TRPM4: variants seen among roughly 807,000 people sequenced by gnomAD.
The protein encoded by TRPM4 is transient receptor potential cation channel subfamily M member 4.
TRPM4 carries 124 observed loss-of-function variants against 135.6 expected under a neutral mutation model. That is an observed-to-expected ratio of 0.91 (90% confidence interval 0.79 to 1.06). The LOEUF is 1.06. Ranked by LOEUF, TRPM4 falls within the 50% of genes least tolerant of loss-of-function variation. The pLI, the probability that TRPM4 is intolerant of heterozygous loss-of-function variation, is 0.00. For synonymous variants in TRPM4, 745 were observed against 705.6 expected (o/e 1.06, Z -0.88); for missense variants, 1,658 against 1,671.4 (o/e 0.99, Z 0.14).
rs71919979 is a variant in TRPM4 at position 49,180,428 on chromosome 19, CTGTGTGTGTGTGTGTGTGTGTG to C, written c.1151-893_1151-872del. 5.9e-3 allele frequency among the ~76,000 whole-genome samples: 771 copies of C among 131,330 alleles called. 10 individuals are homozygous for C. The highest frequency in any genetic ancestry group is 0.021 in the African/African-American group (736 of 34,800). The allele number at this position is 131,330 out of a possible 152,430, so 86.2% of individuals were successfully genotyped here. On this transcript the variant is annotated intron_variant, in intron 9 of 24. Transcript: ENST00000252826. ...AGTGACTCACGTTTGTCATCATCTG[CTGTGTGTGTGTGTGTGTGTGTG>C]TGTGTGTGTGTGTGTGTGTGTGTGT...
chr19:49,194,589 T>G (rs534721607), intron 16 of TRPM4, among the ~76,000 whole-genome samples: 1 of 151,064 alleles, frequency 6.6e-6, no homozygotes, highest in African/African-American at 2.4e-5. Context: ...TTTCCTTCCT[T>G]CCTTTCCTTT....
intron 20 of TRPM4, among the ~76,000 whole-genome samples, chr19:49,207,557 G>A (rs1368110569): frequency 1.3e-5 from 2 of 149,586 alleles, no homozygotes; most frequent in Non-Finnish European, 3.0e-5. Context: ...TTGAGCCCAG[G>A]AGGTCAAGGC....
intron 17 of TRPM4, among the ~76,000 whole-genome samples, chr19:49,197,368 CTCTTTCTTT>C (rs1968726637): frequency 9.5e-6 from 1 of 105,380 alleles, no homozygotes; most frequent in Non-Finnish European, 1.9e-5. Flanking sequence ...TTCTTTCTCT[CTCTTTCTTT>C]TCTTTCTTTC....
At position 49,157,815 on chromosome 19, in the gene TRPM4, G is replaced by T; in HGVS notation, c.-52G>T. 6.5e-7 allele frequency: 1 copy of T among 1,533,524 alleles called. No individual in the cohort carries two copies. The highest frequency in any genetic ancestry group is 8.7e-7 in the Non-Finnish European group (1 of 1,145,816). The allele number at this position is 1,533,524 out of a possible 1,614,324, so 95.0% of individuals were successfully genotyped here. Reference sequence around the variant, plus strand: ...GGGCGGGTCTGGAAGCAGAGCCGGCGGAGGGAGCGCCGGGGCCCTGGGCTG... The same window carrying T: ...GGGCGGGTCTGGAAGCAGAGCCGGCTGAGGGAGCGCCGGGGCCCTGGGCTG... On this transcript the variant is annotated 5_prime_UTR_variant, in exon 1 of 25. Coordinates refer to ENST00000252826, the MANE Select transcript of TRPM4 (RefSeq NM_017636.4).
chr19:49,174,385 T>G (rs1395511804), intron 9 of TRPM4, among the ~76,000 whole-genome samples: 1 of 151,560 alleles, frequency 6.6e-6, no homozygotes, highest in Non-Finnish European at 1.5e-5. Context: ...ACTCCTGACC[T>G]CATGATCCAT....
At position 49,200,615 on chromosome 19, in the gene TRPM4, A is replaced by G; in HGVS notation, c.2783A>G (p.Lys928Arg). The G allele has an allele frequency of 5.0e-6, 8 of 1,612,968 alleles. No homozygotes were observed. The highest frequency in any genetic ancestry group is 6.8e-6 in the Non-Finnish European group (8 of 1,180,010). Residue 928 changes from lysine to arginine, a missense_variant, in exon 19 of 25, where the codon AAG becomes AGG. Physicochemically the swap from Lys to Arg is conservative, Grantham distance 26 (BLOSUM62 2). Coordinates refer to ENST00000252826, the MANE Select transcript of TRPM4 (RefSeq NM_017636.4). ...CTCAGCCACATCTCCCCACAGATGA[A>G]GGACGTGTTCTTCTTCCTCTTCTTC... The part of the protein sequence containing the change: ...PKIVIVSKMM[K>R]DVFFFLFFLG...
At chr19:49,209,031 A>G (rs1481582081) in intron 20 of TRPM4, among the ~76,000 whole-genome samples, 1 of 151,838 alleles carries the variant, frequency 6.6e-6, no homozygotes, top group Non-Finnish European at 1.5e-5. Flanking sequence ...TGAGAAGATC[A>G]TATGGCTTCC....
At chr19:49,178,772 T>TATTATTATTGTTTTG in intron 9 of TRPM4, among the ~76,000 whole-genome samples, 1 of 150,102 alleles carries the variant, frequency 6.7e-6, no homozygotes, top group Non-Finnish European at 1.5e-5. Context: ...TTTTTTATTT[T>TATTATTATTGTTTTG]TTTTGAGATG....
chr19:49,202,202 C>T, intron 20 of TRPM4, 61 bp downstream of exon 20: 1 of 1,558,294 alleles, frequency 6.4e-7, no homozygotes, highest in Middle Eastern at 1.7e-4. Context: ...CCTCTCATGA[C>T]TCTTGAACCC....
intron 17 of TRPM4, among the ~76,000 whole-genome samples, chr19:49,197,336 CTTTCT>C (rs1175572267): frequency 1.7e-5 from 2 of 120,632 alleles, no homozygotes; most frequent in East Asian, 4.6e-4. Context: ...TTCTTTCTTT[CTTTCT>C]TTCTTTCTTT....
rs570504675 is a variant in TRPM4, at chr19:49,169,446, G to A, written c.796+710G>A. On this transcript the variant is annotated intron_variant, in intron 6 of 24. Transcript: ENST00000252826. ...ATTACAGGCACGTGCCATCACACCC[G>A]GCTAATTTTTGTATTTTTAGTAGAC... Among the ~76,000 whole-genome samples the A allele has an allele frequency of 6.1e-5, 9 of 147,452 alleles. No individual in the cohort carries two copies. The South Asian group carries it at 1.1e-3, about 19-fold the overall frequency.
chr19:49,179,033 C>T (rs192834612), intron 9 of TRPM4, among the ~76,000 whole-genome samples: 127 of 151,584 alleles, frequency 8.4e-4, no homozygotes, highest in African/African-American at 2.8e-3. Context: ...GCTGGGATTA[C>T]AGGTGTGAGC....
chr19:49,192,478 C>G (rs976280253), intron 16 of TRPM4, among the ~76,000 whole-genome samples: 2 of 152,076 alleles, frequency 1.3e-5, no homozygotes, highest in East Asian at 3.9e-4. Flanking sequence ...AGAGAGGATA[C>G]AAAATATTTA....
At chr19:49,182,248 C>CTGTCCATCCATCCATCCATT (rs1568470630) in intron 10 of TRPM4, among the ~76,000 whole-genome samples, 1 of 91,752 alleles carries the variant, frequency 1.1e-5, no homozygotes, top group African/African-American at 4.7e-5. Flanking sequence ...ATCCATCCAT[C>CTGTCCATCCATCCATCCATT]CATCTGTCCA....
At chr19:49,176,569 CT>C (rs1568466039) in intron 9 of TRPM4, among the ~76,000 whole-genome samples, 1 of 152,102 alleles carries the variant, frequency 6.6e-6, no homozygotes, top group Non-Finnish European at 1.5e-5. Flanking sequence ...TAAATACCAG[CT>C]TGGGCCGGGT....
chr19:49,184,778 C>T (rs1968135403), intron 12 of TRPM4, among the ~76,000 whole-genome samples: 1 of 151,542 alleles, frequency 6.6e-6, no homozygotes, highest in Non-Finnish European at 1.5e-5. Flanking sequence ...TGCGCCCGGC[C>T]TCTGTAGTCT....
chr19:49,207,600 T>C (rs116564756), intron 20 of TRPM4, among the ~76,000 whole-genome samples: 8,404 of 131,704 alleles, frequency 0.064, 772 homozygotes, highest in African/African-American at 0.21. Context: ...TTCACCACCA[T>C]CATGATTGTG....
chr19:49,197,354 T>TTC (rs930441372), intron 17 of TRPM4, among the ~76,000 whole-genome samples: 8 of 104,366 alleles, frequency 7.7e-5, no homozygotes, highest in Middle Eastern at 4.9e-3. Context: ...CTTTCTTTCT[T>TTC]TCTTTCTTTC....
rs959979671 is a variant in TRPM4 at position 49,193,571 on chromosome 19, C to A, written c.2210+2798C>A. On this transcript the variant is annotated intron_variant, in intron 16 of 24. Coordinates refer to ENST00000252826, the MANE Select transcript of TRPM4 (RefSeq NM_017636.4). ...GCTCTCAGCCCCTGTGGAGCCCCCC[C>A]ACTGAGAGCTCTGTTGAAGGACAGA... Among the ~76,000 whole-genome samples the A allele has an allele frequency of 3.7e-4, 57 of 152,216 alleles. No homozygotes were observed. In the East Asian group the frequency reaches 0.011, roughly 29 times the overall value.
Sources: gnomAD v4.1 joint callset for allele counts (sites outside exome capture counted in the v4.1 genomes callset) on GRCh38, gnomAD v4.1.1 for gene constraint, MANE v1.5 for transcripts, NCBI Gene and HGNC (gene_info 2026-07-23, HGNC 2026-07-21) for gene names.